ITPKB: variants seen among roughly 807,000 people sequenced by gnomAD.
ITPKB encodes the protein inositol-trisphosphate 3-kinase B.
ITPKB carries 13 observed loss-of-function variants against 69.4 expected under a neutral mutation model. That is an observed-to-expected ratio of 0.19 (90% CI 0.12 to 0.30). The LOEUF is 0.30. ITPKB is among the 10% of genes least tolerant of loss of function. ITPKB has a pLI of 1.00. For missense variants in ITPKB, 1,240 were observed against 1,250.5 expected (o/e 0.99, Z 0.13); for synonymous variants, 584 against 513.7 (o/e 1.14, Z -1.85).
intron 7 of ITPKB, among the ~76,000 whole-genome samples, chr1:226,636,752 C>CTGTGTGTGTGTGTGTGCTCTG (rs1668846046): frequency 1.4e-5 from 2 of 139,990 alleles, no homozygotes; most frequent in Non-Finnish European, 3.1e-5. Context: ...GACTGCAGCT[C>CTGTGTGTGTGTGTGTGCTCTG]TGTGTGTGTG....
intron 2 of ITPKB, chr1:226,707,956 C>T (rs764688957): frequency 1.6e-6 from 2 of 1,269,434 alleles, no homozygotes; most frequent in East Asian, 9.9e-5. Context: ...CAAAAATACT[C>T]ATGGCTGCAT....
chr1:226,637,597 C>A lies in ITPKB; in HGVS notation c.2625+82G>T. On this transcript the variant is annotated intron_variant, in intron 7 of 7. Coordinates refer to ENST00000429204, the MANE Select transcript of ITPKB (RefSeq NM_002221.4). This position sits in a 1 kb window ranked among gnomAD's most constrained non-coding sequence, Gnocchi z 4.3. The stretch of plus-strand genomic sequence containing the variant: ...TGCACCACCCTGAAAATGCCCGATG[C>A]CCCGGGCTTCTGGAAGGAGAAGGAG... 1 of 1,122,798 alleles carries A rather than the reference C, an allele frequency of 8.9e-7. No individual in the cohort carries two copies. The highest frequency in any genetic ancestry group is 1.3e-6 in the Non-Finnish European group (1 of 744,628). The allele number at this position is 1,122,798 out of a possible 1,614,324, so 69.6% of individuals were successfully genotyped here.
chr1:226,722,598 A>G (rs1434867662), intron 2 of ITPKB, among the ~76,000 whole-genome samples: 1 of 152,196 alleles, frequency 6.6e-6, no homozygotes, highest in East Asian at 1.9e-4. Flanking sequence ...GGTTGGGGCA[A>G]TAAGGGAGTT....
chr1:226,732,971 A>C (rs1657636444), intron 2 of ITPKB, among the ~76,000 whole-genome samples: 2 of 152,230 alleles, frequency 1.3e-5, no homozygotes, highest in Non-Finnish European at 2.9e-5. Context: ...AAAGCGCCAC[A>C]GGAGGCCCGA....
chr1:226,670,956 C>T (rs1669604022), intron 2 of ITPKB, among the ~76,000 whole-genome samples: 1 of 152,142 alleles, frequency 6.6e-6, no homozygotes, highest in Non-Finnish European at 1.5e-5. Flanking sequence ...AAAAAATATA[C>T]AGAACACCAA....
chr1:226,676,957 C>G (rs1184951451), intron 2 of ITPKB, among the ~76,000 whole-genome samples: 2 of 152,200 alleles, frequency 1.3e-5, no homozygotes, highest in East Asian at 3.8e-4. Flanking sequence ...ACTAAACAGT[C>G]TCTTTGTACC....
At chr1:226,723,404 C>G (rs1291358175) in intron 2 of ITPKB, among the ~76,000 whole-genome samples, 2 of 152,078 alleles carry the variant, frequency 1.3e-5, no homozygotes, top group African/African-American at 4.8e-5. Context: ...TAAAACATCT[C>G]CTTAATCTCA....
At chr1:226,646,644 G>A (rs3754386) in intron 4 of ITPKB, among the ~76,000 whole-genome samples, 1 of 152,108 alleles carries the variant, frequency 6.6e-6, no homozygotes, top group Admixed American at 6.5e-5. Context: ...CTTGAGTTCC[G>A]TCAGGGGCTT....
intron 2 of ITPKB, among the ~76,000 whole-genome samples, chr1:226,658,463 A>G (rs755607179): frequency 1.3e-5 from 2 of 152,226 alleles, no homozygotes; most frequent in Admixed American, 1.3e-4. Flanking sequence ...TTTCAAAACC[A>G]AGACACCAAG....
chr1:226,714,264 T>A (rs1163185289), intron 2 of ITPKB, among the ~76,000 whole-genome samples: 1 of 152,236 alleles, frequency 6.6e-6, no homozygotes, highest in East Asian at 1.9e-4. Flanking sequence ...CAAGTCAGTA[T>A]GTGATTCACC....
Position 226,735,516 on chromosome 1 carries a change from G to A in ITPKB, c.1932+11C>T, listed in dbSNP as rs147464191. ...GCATGAGTTCTGGGCAAATCTCAGA[G>A]CAAGACTTACCACTCTAGGTTTCTG... On this transcript the variant is annotated intron_variant, in intron 2 of 7. Coordinates refer to ENST00000429204, the MANE Select transcript of ITPKB (RefSeq NM_002221.4). The A allele has an allele frequency of 1.4e-4, 211 of 1,500,712 alleles. No individual in the cohort carries two copies. The African/African-American group carries it at 2.8e-3, about 20-fold the overall frequency. 93.0% of individuals were successfully genotyped at this position (1,500,712 alleles called of 1,614,324 possible). A position where few individuals can be genotyped will look rare whatever the true frequency, so the allele number is the denominator to read the frequency against.
At chr1:226,652,934 G>A (rs1479516498) in intron 2 of ITPKB, among the ~76,000 whole-genome samples, 1 of 152,150 alleles carries the variant, frequency 6.6e-6, no homozygotes, top group Non-Finnish European at 1.5e-5. Context: ...TTCTTCCTAA[G>A]CTGGCTGAGT....
At chr1:226,654,790 A>T (rs1669258306) in intron 2 of ITPKB, among the ~76,000 whole-genome samples, 1 of 152,240 alleles carries the variant, frequency 6.6e-6, no homozygotes, top group Non-Finnish European at 1.5e-5. Flanking sequence ...GTCATGCTGT[A>T]CGGAAACACT....
chr1:226,643,912 C>T (rs1249602097), intron 4 of ITPKB, among the ~76,000 whole-genome samples: 1 of 152,228 alleles, frequency 6.6e-6, no homozygotes, highest in East Asian at 1.9e-4. Flanking sequence ...AGAGCACACC[C>T]CTCACATGCA....
At chr1:226,710,711 C>T (rs2102636640) in intron 2 of ITPKB, among the ~76,000 whole-genome samples, 1 of 152,350 alleles carries the variant, frequency 6.6e-6, no homozygotes. Flanking sequence ...ATGCAGTTGT[C>T]CACTTTTTGG....
At chr1:226,707,963 G>A (rs781588434) in intron 2 of ITPKB, 1 of 1,218,498 alleles carries the variant, frequency 8.2e-7, no homozygotes. Context: ...ACTCATGGCT[G>A]CATATGGCAA....
chr1:226,699,789 A>C (rs530069809), intron 2 of ITPKB, among the ~76,000 whole-genome samples: 75 of 152,372 alleles, frequency 4.9e-4, no homozygotes, highest in African/African-American at 1.8e-3. Flanking sequence ...CTATTCTATT[A>C]GTCAGGGTTC....
At chr1:226,722,532 C>T (rs1270903514) in intron 2 of ITPKB, among the ~76,000 whole-genome samples, 1 of 152,200 alleles carries the variant, frequency 6.6e-6, no homozygotes, top group African/African-American at 2.4e-5. Flanking sequence ...CCAGACGCTG[C>T]TCCATATGGC....
intron 2 of ITPKB, among the ~76,000 whole-genome samples, chr1:226,703,356 C>G (rs1373747810): frequency 6.6e-6 from 1 of 152,266 alleles, no homozygotes; most frequent in Non-Finnish European, 1.5e-5. Context: ...GTCCCTCCGC[C>G]CTCAGCTCAG....
Sources: allele counts gnomAD v4.1 joint callset (sites outside exome capture counted in the v4.1 genomes callset), GRCh38; gene constraint gnomAD v4.1.1; non-coding constraint Gnocchi (gnomAD v3.1); transcripts MANE v1.5; gene names NCBI Gene and HGNC (gene_info 2026-07-23, HGNC 2026-07-21).